The following LRRK1 variants were observed in gnomAD, a reference collection of about 807,000 sequenced individuals.
The protein encoded by LRRK1 is leucine rich repeat kinase 1.
In LRRK1, 113 loss-of-function variants were observed where a neutral mutation model predicts 209.1. That is an observed-to-expected ratio of 0.54 (90% CI 0.46 to 0.63). The LOEUF is 0.63. Ranked by LOEUF, LRRK1 falls within the 30% of genes least tolerant of loss-of-function variation. LRRK1 has a pLI of 0.00. For missense variants in LRRK1, 2,284 were observed against 2,632.2 expected (o/e 0.87, Z 2.89); for synonymous variants, 1,144 against 1,099.7 (o/e 1.04, Z -0.80).
In LRRK1 at chr15:101,020,955, C is replaced by G. The variant is rs2033755067; in HGVS notation, c.1610-98C>G. ...GTTCTGATAGGCTTGCCAAAATGCC[C>G]TCTGGAGGTTGCATCAGTTTATACG... On this transcript the variant is annotated intron_variant, in intron 12 of 33. Coordinates refer to ENST00000388948, the MANE Select transcript of LRRK1 (RefSeq NM_024652.6). 4.3e-6 allele frequency: 6 copies of G among 1,392,236 alleles called. No homozygotes were observed. In the East Asian group the frequency reaches 6.9e-5, roughly 16 times the overall value. 86.2% of individuals were successfully genotyped at this position (1,392,236 alleles called of 1,614,324 possible).
chr15:101,071,792 G>A lies in LRRK1; in HGVS notation c.*2944G>A, dbSNP rs906344785. ...GCCGGACCACCCAGTTGGGCAATTC[G>A]TGGCTTGGCCTAGGAACGTTACATT... is the stretch of plus-strand genomic sequence containing the variant. On this transcript the variant is annotated 3_prime_UTR_variant, in exon 34 of 34. Transcript: ENST00000388948. 3 of 152,240 alleles carry A rather than the reference G, an allele frequency of 2.0e-5. No homozygotes were observed. Among genetic ancestry groups the A allele is most frequent in the Admixed American group, 6.5e-5 (1 of 15,288 alleles). The allele number at this position is 152,240 out of a possible 1,614,324, so 9.4% of individuals were successfully genotyped here. A position where few individuals can be genotyped will look rare whatever the true frequency, so the allele number is the denominator to read the frequency against.
rs2035852492 is a variant in LRRK1 at position 101,057,067 on chromosome 15, A to G, written c.4527+17A>G. The G allele has an allele frequency of 6.4e-7, 1 of 1,570,826 alleles. No homozygotes were observed. The highest frequency in any genetic ancestry group is 1.4e-5 in the African/African-American group (1 of 73,564). On this transcript the variant is annotated intron_variant, in intron 28 of 33. Transcript: ENST00000388948. ...CCAGAGAAGGTACTTGGGGACACAG[A>G]GCCCAGGGCCTGGGACCTCCTGCCA...
intron 3 of LRRK1, 163 bp downstream of exon 3, chr15:100,974,130 C>A: frequency 5.7e-6 from 3 of 525,922 alleles, no homozygotes; most frequent in Admixed American, 4.4e-5. Flanking sequence ...CTTTCCTTTC[C>A]AACTGACTTC....
chr15:101,052,973 C>T lies in LRRK1; in HGVS notation c.3741C>T (p.Val1247=). Residue 1247 remains valine (V), a synonymous_variant, in exon 25 of 34, where the codon GTC becomes GTT. Transcript: ENST00000388948. ...KLEHSEDEGS[V]LGQGGSGTVI... ...AGCACAGCGAGGACGAGGGCAGCGTCCTGGGCCAGGGCGGCAGTGGCACCG... is the reference window on the plus strand; with the variant it reads ...AGCACAGCGAGGACGAGGGCAGCGTTCTGGGCCAGGGCGGCAGTGGCACCG... The T allele has an allele frequency of 1.2e-6, 2 of 1,612,842 alleles. No individual in the cohort carries two copies. The highest frequency in any genetic ancestry group is 1.7e-6 in the Non-Finnish European group (2 of 1,179,362).
rs114728923 is a variant in LRRK1 at position 101,072,948 on chromosome 15, C to T, written c.*4100C>T. 2,170 of 89,848 alleles carry T rather than the reference C, an allele frequency of 0.024. 73 individuals carry two copies. Among genetic ancestry groups the T allele is most frequent in the African/African-American group, 0.081 (2,070 of 25,524 alleles). The allele number at this position is 89,848 out of a possible 1,614,324, so 5.6% of individuals were successfully genotyped here. On this transcript the variant is annotated 3_prime_UTR_variant, in exon 34 of 34. Transcript: ENST00000388948. ...ATTAAATTTGGTGCCGTAACTGGCGCGGGGGGAGGGGGGGGGGAACCTCCC... is the reference window on the plus strand; with the variant it reads ...ATTAAATTTGGTGCCGTAACTGGCGTGGGGGGAGGGGGGGGGGAACCTCCC...
At chr15:101,011,592 GTGTGTGTGTGCA>G (rs1319622379) in intron 9 of LRRK1, among the ~76,000 whole-genome samples, 1 of 151,812 alleles carries the variant, frequency 6.6e-6, no homozygotes, top group Non-Finnish European at 1.5e-5. Context: ...GAATGTGTGT[GTGTGTGTGTGCA>G]TGTGTGTGTG....
At position 101,052,915 on chromosome 15, in the gene LRRK1, G is replaced by A; in HGVS notation, c.3690-7G>A. 6.2e-7 allele frequency: 1 copy of A among 1,602,454 alleles called. No homozygotes were observed. The highest frequency in any genetic ancestry group is 8.5e-7 in the Non-Finnish European group (1 of 1,171,184). Reference sequence around the variant, plus strand: ...GGGATGTGGCTGATGCCGGGCGTGTGTGGCAGGCTCTTCCTGGAGAACAGC... The same window carrying A: ...GGGATGTGGCTGATGCCGGGCGTGTATGGCAGGCTCTTCCTGGAGAACAGC... On this transcript the variant is annotated splice_region_variant and splice_polypyrimidine_tract_variant and intron_variant, in intron 24 of 33. Coordinates refer to ENST00000388948, the MANE Select transcript of LRRK1 (RefSeq NM_024652.6).
intron 2 of LRRK1, among the ~76,000 whole-genome samples, chr15:100,927,948 A>G (rs1460417984): frequency 6.6e-6 from 1 of 152,198 alleles, no homozygotes; most frequent in Non-Finnish European, 1.5e-5. Context: ...TTTTCGCAGA[A>G]TATATTAATA....
intron 21 of LRRK1, among the ~76,000 whole-genome samples, chr15:101,047,913 T>G (rs1302570820): frequency 6.6e-6 from 1 of 152,184 alleles, no homozygotes; most frequent in Non-Finnish European, 1.5e-5. Flanking sequence ...AGCAAAAGAT[T>G]GGCACCAACT....
intron 9 of LRRK1, 134 bp from the exon 10 acceptor site, chr15:101,011,874 C>T (rs1275518811): frequency 1.5e-6 from 1 of 682,444 alleles, no homozygotes; most frequent in East Asian, 2.7e-5. Context: ...CTTCCAGCAA[C>T]ACTCAGTCAT....
At chr15:100,943,902 T>A (rs1221921547) in intron 2 of LRRK1, among the ~76,000 whole-genome samples, 1 of 152,168 alleles carries the variant, frequency 6.6e-6, no homozygotes, top group Non-Finnish European at 1.5e-5. Context: ...GGTCTCGAAC[T>A]CCTGACCTCA....
chr15:101,052,404 G>A (rs1183963458), intron 24 of LRRK1, among the ~76,000 whole-genome samples: 2 of 103,712 alleles, frequency 1.9e-5, no homozygotes. Context: ...TTTGTCAAAC[G>A]CTGACTCCTG....
At chr15:100,966,136 C>T (rs1237378272) in intron 2 of LRRK1, among the ~76,000 whole-genome samples, 1 of 152,042 alleles carries the variant, frequency 6.6e-6, no homozygotes, top group Non-Finnish European at 1.5e-5. Flanking sequence ...AATGTGTTTC[C>T]TACATTTTAA....
chr15:101,040,901 T>C (rs1182155731), intron 20 of LRRK1, among the ~76,000 whole-genome samples: 1 of 152,242 alleles, frequency 6.6e-6, no homozygotes, highest in Non-Finnish European at 1.5e-5. Flanking sequence ...TAGTATCTTA[T>C]AAACCTTAAT....
chr15:101,008,798 C>A, intron 6 of LRRK1, 39 bp from the exon 7 acceptor site: 1 of 1,490,784 alleles, frequency 6.7e-7, no homozygotes, highest in Non-Finnish European at 9.4e-7. Context: ...GCCCTGAACT[C>A]ACCCTCCACA....
At chr15:101,058,825 G>A (rs2035980727) in intron 29 of LRRK1, among the ~76,000 whole-genome samples, 1 of 152,110 alleles carries the variant, frequency 6.6e-6, no homozygotes, top group East Asian at 1.9e-4. Flanking sequence ...CAGGTGGGAT[G>A]AGCCGAAAAA....
chr15:101,052,847 G>A (rs2035541684), intron 24 of LRRK1, 75 bp from the exon 25 acceptor site: 1 of 1,516,080 alleles, frequency 6.6e-7, no homozygotes, highest in Admixed American at 2.1e-5. Flanking sequence ...TCGGCCGTTG[G>A]GGCAAATGAC....
At chr15:100,931,923 T>C (rs191731455) in intron 2 of LRRK1, among the ~76,000 whole-genome samples, 28 of 152,352 alleles carry the variant, frequency 1.8e-4, no homozygotes, top group Middle Eastern at 3.4e-3. Flanking sequence ...GCCACAGTTA[T>C]TCTTGGCCCC....
At chr15:101,012,716 C>T (rs2033324160) in intron 10 of LRRK1, among the ~76,000 whole-genome samples, 1 of 152,188 alleles carries the variant, frequency 6.6e-6, no homozygotes, top group Non-Finnish European at 1.5e-5. Context: ...GGCACTCCTC[C>T]AAGGCCTGGT....
Sources: allele counts gnomAD v4.1 joint callset (sites outside exome capture counted in the v4.1 genomes callset), GRCh38; gene constraint gnomAD v4.1.1; transcripts MANE v1.5; gene names NCBI Gene and HGNC (gene_info 2026-07-23, HGNC 2026-07-21).